FGF14: variants seen among roughly 807,000 people sequenced by gnomAD.
FGF14 encodes the protein fibroblast growth factor homologous factor 4.
A neutral mutation model predicts 25.5 loss-of-function variants in FGF14; 5 were observed. That is an observed-to-expected ratio of 0.20 (90% CI 0.10 to 0.41). The LOEUF (loss-of-function observed/expected upper bound fraction) is 0.41. FGF14 is among the 10% of genes least tolerant of loss of function. FGF14 has a pLI of 1.00. For missense variants in FGF14, 222 were observed against 320.1 expected (o/e 0.69, Z 2.34); for synonymous variants, 138 against 118.3 (o/e 1.17, Z -1.08).
intron 1 of FGF14, among the ~76,000 whole-genome samples, chr13:101,883,653 C>T (rs531719405): frequency 6.6e-6 from 1 of 151,908 alleles, no homozygotes; most frequent in South Asian, 2.1e-4. Context: ...CTATCATTTC[C>T]TGAGCATACA....
intron 1 of FGF14, among the ~76,000 whole-genome samples, chr13:102,028,469 G>A (rs2139917090): frequency 6.6e-6 from 1 of 152,188 alleles, no homozygotes; most frequent in East Asian, 1.9e-4. Flanking sequence ...TGAGCCTTCA[G>A]AATGATGAGA....
At chr13:102,046,100 A>T (rs2041969432) in intron 1 of FGF14, 1 of 154,282 alleles carries the variant, frequency 6.5e-6, no homozygotes, top group Non-Finnish European at 1.5e-5. Flanking sequence ...GAAAAAAGAG[A>T]TGCCTTTTGT....
intron 1 of FGF14, among the ~76,000 whole-genome samples, chr13:102,087,386 G>A (rs1358368707): frequency 2.8e-5 from 3 of 108,614 alleles, no homozygotes; most frequent in African/African-American, 8.5e-5. Context: ...CCCAGAAATA[G>A]TAAAAAATAG....
chr13:102,391,145 A>C (rs1414689577), intron 1 of FGF14, among the ~76,000 whole-genome samples: 2 of 152,216 alleles, frequency 1.3e-5, no homozygotes, highest in Non-Finnish European at 2.9e-5. Flanking sequence ...GTTGATGACA[A>C]AATTTTTGAA....
intron 1 of FGF14, among the ~76,000 whole-genome samples, chr13:102,128,472 G>A (rs1383212723): frequency 1.3e-5 from 2 of 152,194 alleles, no homozygotes; most frequent in African/African-American, 4.8e-5. Context: ...ATTTGGCTCT[G>A]AACCCACATT....
intron 1 of FGF14, among the ~76,000 whole-genome samples, chr13:101,996,531 GGGAT>G (rs1348127537): frequency 2.0e-5 from 3 of 152,134 alleles, no homozygotes; most frequent in Non-Finnish European, 4.4e-5. Flanking sequence ...TTAGATTTGG[GGGAT>G]GGATAAAGAA....
At chr13:102,328,577 C>T (rs2056535752) in intron 1 of FGF14, among the ~76,000 whole-genome samples, 1 of 152,202 alleles carries the variant, frequency 6.6e-6, no homozygotes, top group South Asian at 2.1e-4. Flanking sequence ...ATGGAGCTCC[C>T]ACCTACTCCC....
chr13:102,358,428 C>T (rs985894624), intron 1 of FGF14, among the ~76,000 whole-genome samples: 2 of 152,188 alleles, frequency 1.3e-5, no homozygotes, highest in Non-Finnish European at 2.9e-5. Flanking sequence ...TAACTACATA[C>T]TGTTTTGCTA....
At chr13:101,883,613 C>T (rs190062372) in intron 1 of FGF14, among the ~76,000 whole-genome samples, 2 of 152,032 alleles carry the variant, frequency 1.3e-5, no homozygotes, top group East Asian at 1.9e-4. Context: ...TAATATCCAG[C>T]GCTAATGATA....
At chr13:101,793,785 T>C (rs34445571) in intron 3 of FGF14, among the ~76,000 whole-genome samples, 6,506 of 152,164 alleles carry the variant, frequency 0.043, 223 homozygotes, top group African/African-American at 0.082. Flanking sequence ...ACCCCCTAAA[T>C]ATGTGAGTTT....
intron 1 of FGF14, among the ~76,000 whole-genome samples, chr13:102,203,585 A>T (rs2049769765): frequency 6.6e-6 from 1 of 152,314 alleles, no homozygotes; most frequent in Admixed American, 6.5e-5. Context: ...ATATTAGTGA[A>T]ATTTAATTAT....
chr13:102,355,174 A>G (rs1398167383), intron 1 of FGF14, among the ~76,000 whole-genome samples: 2 of 152,232 alleles, frequency 1.3e-5, no homozygotes, highest in Non-Finnish European at 2.9e-5. Flanking sequence ...AAATGCAGTA[A>G]CAATAATGGA....
At chr13:102,202,085 T>G (rs117260751) in intron 1 of FGF14, among the ~76,000 whole-genome samples, 5 of 152,186 alleles carry the variant, frequency 3.3e-5, no homozygotes, top group African/African-American at 4.8e-5. Context: ...TGTGAAGTGC[T>G]GCCTCCCCCT....
intron 1 of FGF14, among the ~76,000 whole-genome samples, chr13:102,128,231 G>C (rs1431493348): frequency 6.6e-6 from 1 of 152,190 alleles, no homozygotes; most frequent in East Asian, 1.9e-4. Flanking sequence ...TGTTGAGAGG[G>C]TGGATCCTTC....
chr13:102,226,641 T>C (rs190930537), intron 1 of FGF14, among the ~76,000 whole-genome samples: 1 of 152,332 alleles, frequency 6.6e-6, no homozygotes. Flanking sequence ...ATCTCTGAAA[T>C]CTGCTTATTC....
At chr13:102,236,862 A>C (rs2051351309) in intron 1 of FGF14, among the ~76,000 whole-genome samples, 1 of 152,176 alleles carries the variant, frequency 6.6e-6, no homozygotes, top group Admixed American at 6.5e-5. Flanking sequence ...CTCATGCCGA[A>C]GTGAGAAAGG....
intron 1 of FGF14, among the ~76,000 whole-genome samples, chr13:102,233,174 G>T (rs192289016): frequency 9.9e-5 from 15 of 152,108 alleles, no homozygotes; most frequent in Admixed American, 8.5e-4. Context: ...CACTCTTGTT[G>T]CCCAGGCTAG....
intron 1 of FGF14, among the ~76,000 whole-genome samples, chr13:102,101,101 G>A (rs1429579585): frequency 2.7e-5 from 4 of 147,486 alleles, no homozygotes; most frequent in South Asian, 2.1e-4. Context: ...TCCGTCTCCC[G>A]CAACCCCAGG....
intron 1 of FGF14, among the ~76,000 whole-genome samples, chr13:102,315,352 A>G (rs566852843): frequency 2.6e-5 from 4 of 152,280 alleles, no homozygotes; most frequent in Middle Eastern, 3.4e-3. Flanking sequence ...TTCAGGGGAC[A>G]GTAGAGCAGT....
Sources: allele counts gnomAD v4.1 joint callset (sites outside exome capture counted in the v4.1 genomes callset), GRCh38; gene constraint gnomAD v4.1.1; transcripts MANE v1.5; gene names NCBI Gene and HGNC (gene_info 2026-07-23, HGNC 2026-07-21).